ADGRV1: variants seen among roughly 807,000 people sequenced by gnomAD.
ADGRV1 encodes the protein adhesion G protein-coupled receptor V1.
Under a neutral mutation model 596.2 loss-of-function variants are expected in ADGRV1, and 359 were observed. That is an observed-to-expected ratio of 0.60 (90% CI 0.55 to 0.66). The LOEUF (loss-of-function observed/expected upper bound fraction) is 0.66, where lower values mean the gene tolerates loss of function less well. Ranked by LOEUF, ADGRV1 falls within the 30% of genes least tolerant of loss-of-function variation. ADGRV1 has a pLI of 0.00. For missense variants in ADGRV1, 7,274 were observed against 7,575.6 expected, an observed-to-expected ratio of 0.96 and a Z score of 1.48; for synonymous variants, 2,681 against 2,679.2, an observed-to-expected ratio of 1.00 and a Z score of -0.02.
intron 83 of ADGRV1, among the ~76,000 whole-genome samples, chr5:90,961,227 G>T (rs760582866): frequency 4.6e-5 from 7 of 152,090 alleles, no homozygotes; most frequent in Non-Finnish European, 7.4e-5. Context: ...TTGGCCGCGC[G>T]CAGCGGTTCA....
chr5:91,145,453 T>C (rs927266245), intron 87 of ADGRV1, among the ~76,000 whole-genome samples: 2 of 152,250 alleles, frequency 1.3e-5, no homozygotes, highest in African/African-American at 4.8e-5. Context: ...GTTTTATTTT[T>C]TTCCTGTTTT....
intron 70 of ADGRV1, among the ~76,000 whole-genome samples, chr5:90,798,286 A>G (rs1760973226): frequency 6.6e-6 from 1 of 152,212 alleles, no homozygotes; most frequent in Admixed American, 6.5e-5. Flanking sequence ...ATCAGAGAAT[A>G]CTATAAACAC....
intron 80 of ADGRV1, among the ~76,000 whole-genome samples, chr5:90,853,841 A>T (rs1766769378): frequency 6.6e-6 from 1 of 152,136 alleles, no homozygotes; most frequent in Non-Finnish European, 1.5e-5. Flanking sequence ...AGTCAAAGTG[A>T]GTGTTGTCAG....
intron 33 of ADGRV1, among the ~76,000 whole-genome samples, chr5:90,695,922 T>C (rs900394226): frequency 1.3e-5 from 2 of 152,126 alleles, no homozygotes; most frequent in Admixed American, 6.6e-5. Flanking sequence ...TTATGTTAAC[T>C]ACAAAGAAAG....
intron 83 of ADGRV1, among the ~76,000 whole-genome samples, chr5:90,930,156 TA>T (rs1420712814): frequency 6.6e-6 from 1 of 152,238 alleles, no homozygotes; most frequent in East Asian, 1.9e-4. Flanking sequence ...TTAACAGTAC[TA>T]TTTTAAGGAC....
chr5:90,872,180 T>C (rs1460542232), intron 83 of ADGRV1, among the ~76,000 whole-genome samples: 1 of 152,184 alleles, frequency 6.6e-6, no homozygotes, highest in East Asian at 1.9e-4. Flanking sequence ...GTCAAGCCTG[T>C]AACTGTGCCT....
rs1292686525 is a variant in ADGRV1, at chr5:90,692,641, G to A, written c.6988G>A (p.Gly2330Ser). 2 of 1,610,742 alleles carry A rather than the reference G, an allele frequency of 1.2e-6. No individual in the cohort carries two copies. Among genetic ancestry groups the A allele is most frequent in the Non-Finnish European group, 1.7e-6 (2 of 1,178,542 alleles). The change falls in exon 32 of 90, where the codon GGT (glycine) becomes AGT (serine). Residue 2330 changes from glycine to serine, a missense_variant. By Grantham distance (56) the Gly-to-Ser change is moderately conservative. Transcript: ENST00000405460. ...GCAACTAACTGATGCCTCTGGTGGA[G>A]GTACTATTGGGTTAGATCGAATTGC... is the stretch of plus-strand genomic sequence containing the variant. ...QVQLTDASGG[G>S]TIGLDRIANI...
chr5:90,826,464 G>T (rs1764083099), intron 76 of ADGRV1, among the ~76,000 whole-genome samples: 1 of 152,164 alleles, frequency 6.6e-6, no homozygotes, highest in African/African-American at 2.4e-5. Flanking sequence ...CTACCAATTA[G>T]CTGGGTGACA....
At chr5:91,051,901 C>T (rs1012745950) in intron 85 of ADGRV1, among the ~76,000 whole-genome samples, 3 of 152,042 alleles carry the variant, frequency 2.0e-5, no homozygotes, top group African/African-American at 7.2e-5. Context: ...AACAATTCAC[C>T]TTATGTTTGC....
intron 85 of ADGRV1, among the ~76,000 whole-genome samples, chr5:91,033,676 A>G (rs1784652102): frequency 6.6e-6 from 1 of 152,174 alleles, no homozygotes; most frequent in East Asian, 1.9e-4. Flanking sequence ...TGTGAGCCGC[A>G]GGACTTCAGT....
intron 83 of ADGRV1, among the ~76,000 whole-genome samples, chr5:90,893,196 C>T (rs539613656): frequency 7.9e-5 from 12 of 152,202 alleles, no homozygotes; most frequent in South Asian, 4.1e-4. Flanking sequence ...ACTAGTGTGA[C>T]GATTGGCTAG....
chr5:90,714,210 G>A (rs1481290947), intron 42 of ADGRV1, among the ~76,000 whole-genome samples: 1 of 150,230 alleles, frequency 6.7e-6, no homozygotes, highest in African/African-American at 2.4e-5. Context: ...ATGTGTGGTT[G>A]TATTATACAT....
chr5:90,664,842 A>C (rs1418874827), intron 21 of ADGRV1, among the ~76,000 whole-genome samples: 1 of 147,376 alleles, frequency 6.8e-6, no homozygotes, highest in Non-Finnish European at 1.5e-5. Context: ...GAATGTTGTC[A>C]AAGGCCTTTT....
Position 90,854,019 on chromosome 5 carries a change from C to G in ADGRV1, c.17455-43C>G, listed in dbSNP as rs748611337. ...AGGGTAAGAGACTCAGTCATTACACCAATTGTAAAACATCATTATATGTTC... is the reference window on the plus strand; with the variant it reads ...AGGGTAAGAGACTCAGTCATTACACGAATTGTAAAACATCATTATATGTTC... On this transcript the variant is annotated intron_variant, in intron 80 of 89. Transcript: ENST00000405460. 7.0e-6 allele frequency: 10 copies of G among 1,428,226 alleles called. No homozygotes were observed. The African/African-American group carries it at 1.3e-4, about 18-fold the overall frequency. The allele number at this position is 1,428,226 out of a possible 1,614,324, so 88.5% of individuals were successfully genotyped here. A position where few individuals can be genotyped will look rare whatever the true frequency, so the allele number is the denominator to read the frequency against.
Position 91,132,621 on chromosome 5 carries a change from G to A in ADGRV1, c.18433-17409G>A, listed in dbSNP as rs116536838. On this transcript the variant is annotated intron_variant, in intron 87 of 89. Coordinates refer to ENST00000405460, the MANE Select transcript of ADGRV1 (RefSeq NM_032119.4). ...GAACAGTATGGGGTGTTGTGAATGCGTAATCAGAAGAATGCCGTCTAATTG... is the reference window on the plus strand; with the variant it reads ...GAACAGTATGGGGTGTTGTGAATGCATAATCAGAAGAATGCCGTCTAATTG... Among the ~76,000 whole-genome samples, 1,217 of 152,330 alleles carry A rather than the reference G, an allele frequency of 8.0e-3. 13 individuals carry two copies. The highest frequency in any genetic ancestry group is 0.028 in the African/African-American group (1,169 of 41,568).
chr5:90,675,951 C>T, intron 24 of ADGRV1, 129 bp from the exon 25 acceptor site: 1 of 628,600 alleles, frequency 1.6e-6, no homozygotes, highest in Non-Finnish European at 2.6e-6. Flanking sequence ...TTTTACTTGT[C>T]TTCTTAGCAT....
intron 85 of ADGRV1, among the ~76,000 whole-genome samples, chr5:91,014,852 G>T (rs576366538): frequency 7.7e-3 from 4 of 522 alleles, no homozygotes; most frequent in South Asian, 0.12. Flanking sequence ...TCCATCTTTC[G>T]AATGGTTTTT....
At chr5:90,973,370 G>A (rs1779238538) in intron 84 of ADGRV1, among the ~76,000 whole-genome samples, 1 of 152,182 alleles carries the variant, frequency 6.6e-6, no homozygotes, top group Non-Finnish European at 1.5e-5. Flanking sequence ...GCATCATCCT[G>A]ACACCAAAGC....
At chr5:90,725,683 T>C in intron 48 of ADGRV1, 27 bp downstream of exon 48, 1 of 1,058,054 alleles carries the variant, frequency 9.5e-7, no homozygotes, top group Non-Finnish European at 1.4e-6. Flanking sequence ...ATGAAGTGGG[T>C]TTTTTTTTGC....
Sources: allele counts gnomAD v4.1 joint callset (sites outside exome capture counted in the v4.1 genomes callset), GRCh38; gene constraint gnomAD v4.1.1; transcripts MANE v1.5; gene names NCBI Gene and HGNC (gene_info 2026-07-23, HGNC 2026-07-21).